The following SLC9A9 variants were observed in gnomAD, a reference collection of about 807,000 sequenced individuals.
The protein encoded by SLC9A9 is sodium/hydrogen exchanger 9.
SLC9A9 carries 62 observed loss-of-function variants against 77.8 expected under a neutral mutation model. That is an observed-to-expected ratio of 0.80 (90% CI 0.65 to 0.98). SLC9A9 has a LOEUF of 0.98. SLC9A9 is among the 50% of genes least tolerant of loss of function. SLC9A9 has a pLI of 0.00. For synonymous variants in SLC9A9, 320 were observed against 283.5 expected (o/e 1.13, Z -1.29); for missense variants, 775 against 774.9 (o/e 1.00, Z 0.00).
At position 143,353,833 on chromosome 3, in the gene SLC9A9, T is replaced by C. The variant is rs377496990; in HGVS notation, c.1604+9651A>G. Among the ~76,000 whole-genome samples the C allele has an allele frequency of 2.7e-4, 41 of 152,160 alleles. 2 individuals carry two copies. Among genetic ancestry groups the C allele is most frequent in the East Asian group, 2.3e-3 (12 of 5,192 alleles). On this transcript the variant is annotated intron_variant, in intron 14 of 15. Transcript: ENST00000316549. ...AATTGAATAAAATATAATAGAATAA[T>C]TATTTTTCTGGGGGAAGAAATATGA...
intron 2 of SLC9A9, among the ~76,000 whole-genome samples, chr3:143,814,752 C>T (rs1046757172): frequency 4.6e-5 from 7 of 152,080 alleles, no homozygotes; most frequent in South Asian, 4.2e-4. Flanking sequence ...GGGGAGGAGC[C>T]GACTCTACCT....
At chr3:143,284,174 A>T (rs1272219228) in intron 14 of SLC9A9, among the ~76,000 whole-genome samples, 1 of 152,092 alleles carries the variant, frequency 6.6e-6, no homozygotes, top group Non-Finnish European at 1.5e-5. Flanking sequence ...CTCCTAAATC[A>T]CACCTTCCAT....
At chr3:143,407,787 A>G (rs138671177) in intron 12 of SLC9A9, among the ~76,000 whole-genome samples, 2 of 152,338 alleles carry the variant, frequency 1.3e-5, no homozygotes, top group African/African-American at 4.8e-5. Context: ...AACTAAAGCA[A>G]TGTGCTTCTG....
intron 4 of SLC9A9, among the ~76,000 whole-genome samples, chr3:143,782,023 T>G (rs145486021): frequency 6.8e-4 from 104 of 152,372 alleles, no homozygotes; most frequent in African/African-American, 2.5e-3. Flanking sequence ...ACCAGAACAC[T>G]GGACATTTCT....
At chr3:143,287,101 TTGTGTGTGTGTG>T (rs3032423) in intron 14 of SLC9A9, among the ~76,000 whole-genome samples, 3 of 149,256 alleles carry the variant, frequency 2.0e-5, no homozygotes, top group Admixed American at 6.7e-5. Context: ...CTGGTCCCAC[TTGTGTGTGTGTG>T]TGTGTGTGTG....
chr3:143,266,682 A>G lies in SLC9A9; in HGVS notation c.*20T>C. 1 of 1,613,090 alleles carries G rather than the reference A, an allele frequency of 6.2e-7. No individual in the cohort carries two copies. The highest frequency in any genetic ancestry group is 8.5e-7 in the Non-Finnish European group (1 of 1,179,140). On this transcript the variant is annotated 3_prime_UTR_variant, in exon 16 of 16. Coordinates refer to ENST00000316549, the MANE Select transcript of SLC9A9 (RefSeq NM_173653.4). ...TGAGTCTTGCATTACTTGTGATTACATCTGTACTCTTCATGCCAATTAATT... is the reference window on the plus strand; with the variant it reads ...TGAGTCTTGCATTACTTGTGATTACGTCTGTACTCTTCATGCCAATTAATT...
chr3:143,572,322 T>C lies in SLC9A9; in HGVS notation c.1000+1766A>G, dbSNP rs191948296. ...GTGTGTGTGTGTGTGTGTGTGTGTG[T>C]GCGCGTGTGTTTATTATAACATCCA... On this transcript the variant is annotated intron_variant, in intron 8 of 15. Transcript: ENST00000316549. Among the ~76,000 whole-genome samples, 1,168 of 148,986 alleles carry C rather than the reference T, an allele frequency of 7.8e-3. 14 individuals carry two copies. Among genetic ancestry groups the C allele is most frequent in the African/African-American group, 0.025 (1,020 of 40,418 alleles).
chr3:143,588,826 T>G (rs974921715), intron 6 of SLC9A9, among the ~76,000 whole-genome samples: 1 of 152,250 alleles, frequency 6.6e-6, no homozygotes, highest in African/African-American at 2.4e-5. Flanking sequence ...CCCACTACTG[T>G]GGGCCTATTC....
At chr3:143,619,742 C>A (rs1044627191) in intron 6 of SLC9A9, among the ~76,000 whole-genome samples, 5 of 152,300 alleles carry the variant, frequency 3.3e-5, no homozygotes. Flanking sequence ...AAGAAAGGAC[C>A]AAGTCGAAGC....
intron 12 of SLC9A9, among the ~76,000 whole-genome samples, chr3:143,415,845 T>A (rs898508072): frequency 6.6e-6 from 1 of 152,196 alleles, no homozygotes; most frequent in Non-Finnish European, 1.5e-5. Flanking sequence ...GATTCCTCTA[T>A]CTCTATCTGG....
At chr3:143,597,099 G>A (rs777671727) in intron 6 of SLC9A9, among the ~76,000 whole-genome samples, 5 of 152,204 alleles carry the variant, frequency 3.3e-5, no homozygotes, top group African/African-American at 4.8e-5. Context: ...ATACATGGAT[G>A]TGCTTTGGTT....
At chr3:143,793,275 T>C (rs1390608844) in intron 4 of SLC9A9, among the ~76,000 whole-genome samples, 3 of 152,132 alleles carry the variant, frequency 2.0e-5, no homozygotes, top group Admixed American at 1.3e-4. Context: ...ACAGTATATA[T>C]TGGTGCTTTC....
At chr3:143,484,969 G>GT in intron 11 of SLC9A9, among the ~76,000 whole-genome samples, 2 of 152,336 alleles carry the variant, frequency 1.3e-5, no homozygotes, top group East Asian at 3.9e-4. Context: ...TTTGTATGAT[G>GT]TAACTATTTT....
At chr3:143,759,080 G>T (rs1576706711) in intron 4 of SLC9A9, among the ~76,000 whole-genome samples, 2 of 152,236 alleles carry the variant, frequency 1.3e-5, no homozygotes, top group East Asian at 3.9e-4. Context: ...AACTAAGAAG[G>T]TGAGGGTTAA....
intron 4 of SLC9A9, among the ~76,000 whole-genome samples, chr3:143,749,066 A>G (rs1259073699): frequency 6.6e-6 from 1 of 152,214 alleles, no homozygotes; most frequent in African/African-American, 2.4e-5. Context: ...TGCTTCATGA[A>G]TAATACTAAT....
At chr3:143,832,924 A>T (rs2009473970) in intron 1 of SLC9A9, among the ~76,000 whole-genome samples, 1 of 151,910 alleles carries the variant, frequency 6.6e-6, no homozygotes, top group South Asian at 2.1e-4. Context: ...ACATTCTCTA[A>T]TTTTTCCGTT....
intron 4 of SLC9A9, among the ~76,000 whole-genome samples, chr3:143,703,868 A>C (rs1216824637): frequency 1.3e-5 from 2 of 152,186 alleles, no homozygotes; most frequent in Non-Finnish European, 2.9e-5. Flanking sequence ...TTAGAGATGA[A>C]AAAAGAGACA....
At position 143,538,144 on chromosome 3, in the gene SLC9A9, G is replaced by A. The variant is rs1236491482; in HGVS notation, c.1089+14218C>T. On this transcript the variant is annotated intron_variant, in intron 9 of 15. Coordinates refer to ENST00000316549, the MANE Select transcript of SLC9A9 (RefSeq NM_173653.4). ...TTATTCTACAGGCCAGTATATCCAAGTCCTACAAACAGCCCAGAAATTACA... is the reference window on the plus strand; with the variant it reads ...TTATTCTACAGGCCAGTATATCCAAATCCTACAAACAGCCCAGAAATTACA... 2.6e-5 allele frequency among the ~76,000 whole-genome samples: 4 copies of A among 152,170 alleles called. No individual in the cohort carries two copies. In the East Asian group the frequency reaches 7.7e-4, roughly 29 times the overall value.
chr3:143,621,457 C>A (rs962712705), intron 6 of SLC9A9, among the ~76,000 whole-genome samples: 6 of 152,132 alleles, frequency 3.9e-5, no homozygotes, highest in African/African-American at 1.4e-4. Context: ...TGCTGTTTAC[C>A]AATATCCGCT....
Sources: gnomAD v4.1 joint callset for allele counts (sites outside exome capture counted in the v4.1 genomes callset) on GRCh38, gnomAD v4.1.1 for gene constraint, MANE v1.5 for transcripts, NCBI Gene and HGNC (gene_info 2026-07-23, HGNC 2026-07-21) for gene names.